The following DCAF5 variants were observed in gnomAD, a reference collection of about 807,000 sequenced individuals.
DCAF5 encodes the protein DDB1 and CUL4 associated factor 5.
Under a neutral mutation model 80.7 loss-of-function variants are expected in DCAF5, and 9 were observed. The ratio of observed to expected loss-of-function variants is 0.11; its 90% CI spans 0.07 to 0.19. The LOEUF (loss-of-function observed/expected upper bound fraction) is 0.19. Among genes scored for constraint, DCAF5 ranks in the 10% least tolerant of loss-of-function variants. The pLI, the probability that DCAF5 is intolerant of heterozygous loss-of-function variation, is 1.00. For synonymous variants in DCAF5, 433 were observed against 461.9 expected (o/e 0.94, Z 0.80); for missense variants, 842 against 1,205.7 (o/e 0.70, Z 4.47).
intron 7 of DCAF5, among the ~76,000 whole-genome samples, chr14:69,066,485 A>G (rs1412105370): frequency 1.3e-5 from 2 of 152,118 alleles, no homozygotes; most frequent in East Asian, 1.9e-4. Context: ...CAAAGTCCCC[A>G]TATATTAATC....
chr14:69,127,028 T>C (rs2040899563), intron 1 of DCAF5, among the ~76,000 whole-genome samples: 2 of 152,248 alleles, frequency 1.3e-5, no homozygotes, highest in South Asian at 2.1e-4. Context: ...ATCTCATTCA[T>C]TGCTGGTAGG....
rs1017779693 is a variant in DCAF5 at position 69,135,045 on chromosome 14, T to A, written c.215-12685A>T. On this transcript the variant is annotated intron_variant, in intron 1 of 8. Coordinates refer to ENST00000341516, the MANE Select transcript of DCAF5 (RefSeq NM_003861.3). ...AAGAAACAAGACAGAATTGGTTAAA[T>A]TCTGATGTAGACACTTGAAAGGATA... is the stretch of plus-strand genomic sequence containing the variant. Among the ~76,000 whole-genome samples the A allele has an allele frequency of 1.2e-4, 19 of 152,242 alleles. 1 individual carries two copies. Among genetic ancestry groups the A allele is most frequent in the Admixed American group, 1.2e-3 (19 of 15,286 alleles).
At chr14:69,134,523 A>G (rs2041132933) in intron 1 of DCAF5, among the ~76,000 whole-genome samples, 1 of 152,246 alleles carries the variant, frequency 6.6e-6, no homozygotes, top group Non-Finnish European at 1.5e-5. Context: ...TCTAAATCAG[A>G]GGCTGCAATT....
At chr14:69,082,397 A>T (rs1212329203) in intron 6 of DCAF5, among the ~76,000 whole-genome samples, 1 of 152,246 alleles carries the variant, frequency 6.6e-6, no homozygotes, top group Non-Finnish European at 1.5e-5. Context: ...TTTCAGCTCC[A>T]TTAGGCTTCT....
chr14:69,063,786 C>T (rs1299926919), intron 7 of DCAF5, among the ~76,000 whole-genome samples: 3 of 152,176 alleles, frequency 2.0e-5, no homozygotes, highest in Non-Finnish European at 4.4e-5. Flanking sequence ...CTTATTGCCA[C>T]GTACATATCT....
chr14:69,106,612 T>TC (rs1311979256), intron 5 of DCAF5, among the ~76,000 whole-genome samples: 6 of 152,072 alleles, frequency 3.9e-5, no homozygotes, highest in African/African-American at 1.4e-4. Context: ...CCTCAAGCAA[T>TC]CCCCTTGCCT....
chr14:69,053,641 T>C lies in DCAF5; in HGVS notation c.*216A>G. The C allele has an allele frequency of 2.0e-6, 1 of 496,634 alleles. No homozygotes were observed. The highest frequency in any genetic ancestry group is 3.4e-6 in the Non-Finnish European group (1 of 297,564). The allele number at this position is 496,634 out of a possible 1,614,324, so 30.8% of individuals were successfully genotyped here. ...AAAGGAGTCACTTGGGTTATTTTTT[T>C]TTCCCCTTTCTTAACACAGCACAAG... On this transcript the variant is annotated 3_prime_UTR_variant, in exon 9 of 9. Coordinates refer to ENST00000341516, the MANE Select transcript of DCAF5 (RefSeq NM_003861.3).
chr14:69,149,796 C>T (rs1308737931), intron 1 of DCAF5, among the ~76,000 whole-genome samples: 1 of 152,234 alleles, frequency 6.6e-6, no homozygotes, highest in Non-Finnish European at 1.5e-5. Context: ...TGGCATCCCA[C>T]TACATTACAA....
At chr14:69,084,496 C>G (rs1297468889) in intron 6 of DCAF5, 1 of 775,074 alleles carries the variant, frequency 1.3e-6, no homozygotes, top group Non-Finnish European at 2.3e-6. Context: ...AAGTTGAAGG[C>G]CCGGCAAGGA....
At chr14:69,098,800 A>AGG (rs1401293337) in intron 5 of DCAF5, among the ~76,000 whole-genome samples, 5 of 143,682 alleles carry the variant, frequency 3.5e-5, no homozygotes, top group Admixed American at 7.1e-5. Flanking sequence ...CAGGAGGCTG[A>AGG]GGCAGGAGAA....
At chr14:69,084,630 C>T (rs2039247446) in intron 6 of DCAF5, 2 of 952,042 alleles carry the variant, frequency 2.1e-6, no homozygotes, top group Middle Eastern at 3.4e-4. Flanking sequence ...CTACTCTTTA[C>T]ATTCCTTAAG....
chr14:69,109,201 G>T (rs559776943), intron 5 of DCAF5, among the ~76,000 whole-genome samples: 1 of 151,890 alleles, frequency 6.6e-6, no homozygotes, highest in Non-Finnish European at 1.5e-5. Flanking sequence ...GAAATTAGCC[G>T]GGCGTGGTGG....
intron 7 of DCAF5, among the ~76,000 whole-genome samples, chr14:69,065,805 T>C (rs942910200): frequency 5.3e-5 from 8 of 152,204 alleles, no homozygotes; most frequent in Admixed American, 5.2e-4. Flanking sequence ...TGTCATCTAA[T>C]CAGACCATGC....
rs186393878 is a variant in DCAF5, at chr14:69,120,785, A to G, written c.358+1432T>C. On this transcript the variant is annotated intron_variant, in intron 2 of 8. Transcript: ENST00000341516. ...GTACAGTGCTAGGTCTTGGGTATATAAAAAGAATAAGATTCTACTCTGTCC... is the reference window on the plus strand; with the variant it reads ...GTACAGTGCTAGGTCTTGGGTATATGAAAAGAATAAGATTCTACTCTGTCC... Among the ~76,000 whole-genome samples, 129 of 152,318 alleles carry G rather than the reference A, an allele frequency of 8.5e-4. 1 individual carries two copies. Among genetic ancestry groups the G allele is most frequent in the Middle Eastern group, 3.4e-3 (1 of 294 alleles).
At chr14:69,084,566 G>A (rs1184304660) in intron 6 of DCAF5, 3 of 764,104 alleles carry the variant, frequency 3.9e-6, no homozygotes, top group Non-Finnish European at 6.8e-6. Context: ...TAATGCAACA[G>A]TGGATGGTCT....
intron 6 of DCAF5, chr14:69,083,958 A>G (rs2039216910): frequency 9.0e-6 from 7 of 781,212 alleles, no homozygotes; most frequent in Admixed American, 1.7e-5. Flanking sequence ...TCTGAAGGCA[A>G]TAAAAGAAAT....
At chr14:69,084,527 T>C in intron 6 of DCAF5, 4 of 760,838 alleles carry the variant, frequency 5.3e-6, no homozygotes, top group East Asian at 2.4e-5. Context: ...AAAGGAGCCA[T>C]TGTATGTTGG....
intron 7 of DCAF5, among the ~76,000 whole-genome samples, chr14:69,071,684 TC>T (rs1050043959): frequency 6.6e-6 from 1 of 152,096 alleles, no homozygotes; most frequent in Non-Finnish European, 1.5e-5. Flanking sequence ...ATTATTTAAG[TC>T]AAAAAGACAT....
At chr14:69,070,009 T>C (rs1234885111) in intron 7 of DCAF5, among the ~76,000 whole-genome samples, 1 of 152,172 alleles carries the variant, frequency 6.6e-6, no homozygotes, top group African/African-American at 2.4e-5. Context: ...TTGTTGTTGG[T>C]GGTGGTATTA....
Sources: gnomAD v4.1 joint callset for allele counts (sites outside exome capture counted in the v4.1 genomes callset) on GRCh38, gnomAD v4.1.1 for gene constraint, MANE v1.5 for transcripts, NCBI Gene and HGNC (gene_info 2026-07-23, HGNC 2026-07-21) for gene names.